SEL1L3: variants seen among roughly 807,000 people sequenced by gnomAD.
The protein encoded by SEL1L3 is protein sel-1 homolog 3.
A neutral mutation model predicts 142.8 loss-of-function variants in SEL1L3; 76 were observed. The ratio of observed to expected loss-of-function variants is 0.53; its 90% CI spans 0.44 to 0.64. SEL1L3 has a LOEUF of 0.64. Among genes scored for constraint, SEL1L3 ranks in the 30% least tolerant of loss-of-function variants. The pLI, the probability that SEL1L3 is intolerant of heterozygous loss-of-function variation, is 0.00. For synonymous variants in SEL1L3, 504 were observed against 519.6 expected (o/e 0.97, Z 0.41); for missense variants, 1,262 against 1,381.7 (o/e 0.91, Z 1.37).
At chr4:25,739,319 TG>T in the SEL1L3 span, among the ~76,000 whole-genome samples, 2 of 152,150 alleles carry the variant, frequency 1.3e-5, no homozygotes, top group Non-Finnish European at 2.9e-5. Context: ...GCCATAGAGA[TG>T]TTGCTAAACA....
intron 23 of SEL1L3, among the ~76,000 whole-genome samples, chr4:25,755,392 T>G (rs1043933961): frequency 7.2e-5 from 11 of 152,166 alleles, no homozygotes; most frequent in Non-Finnish European, 1.5e-4. Flanking sequence ...AGTAAGCCAC[T>G]GCGTCTGGTC....
chr4:25,783,225 A>G (rs550923772), intron 14 of SEL1L3, among the ~76,000 whole-genome samples: 14 of 152,272 alleles, frequency 9.2e-5, no homozygotes, highest in African/African-American at 3.4e-4. Context: ...TTACTTTTCT[A>G]CTTCTGCCCT....
At chr4:25,767,635 T>G (rs1560284571) in intron 18 of SEL1L3, 26 bp from the exon 19 acceptor site, 4 of 1,534,618 alleles carry the variant, frequency 2.6e-6, no homozygotes, top group African/African-American at 1.4e-5. Flanking sequence ...AAGAAAAAGT[T>G]AATTCATTAA....
the SEL1L3 span, among the ~76,000 whole-genome samples, chr4:25,726,482 T>C: frequency 6.7e-6 from 1 of 148,420 alleles, no homozygotes; most frequent in East Asian, 2.0e-4. Context: ...GAGCCGAGAT[T>C]GCGCCACTGC....
At chr4:25,715,969 G>T in the SEL1L3 span, among the ~76,000 whole-genome samples, 6 of 152,254 alleles carry the variant, frequency 3.9e-5, no homozygotes, top group Non-Finnish European at 7.4e-5. Flanking sequence ...ATGCTCTTTT[G>T]TACCTCTTGA....
rs145433219 is a variant in SEL1L3 at position 25,756,452 on chromosome 4, G to A, written c.3259+1082C>T. ...ATATAACAGCTAACGTTTAACTACA[G>A]CCGTCATTTTGGTAAGTATCTTACG... On this transcript the variant is annotated intron_variant, in intron 23 of 23. Transcript: ENST00000399878. 4.5e-4 allele frequency: 447 copies of A among 985,164 alleles called. 4 individuals are homozygous for A. In the African/African-American group the frequency reaches 6.9e-3, roughly 15 times the overall value. The allele number at this position is 985,164 out of a possible 1,614,324, so 61.0% of individuals were successfully genotyped here.
chr4:25,834,780 A>AG (rs765219500), intron 3 of SEL1L3, among the ~76,000 whole-genome samples: 12 of 152,344 alleles, frequency 7.9e-5, no homozygotes, highest in Non-Finnish European at 1.3e-4. Flanking sequence ...AGGAAAAAAA[A>AG]TACATATATC....
intron 20 of SEL1L3, among the ~76,000 whole-genome samples, chr4:25,761,675 A>G (rs1262446882): frequency 6.6e-6 from 1 of 152,266 alleles, no homozygotes; most frequent in African/African-American, 2.4e-5. Flanking sequence ...TTTACAAAAA[A>G]GAAAATGTAA....
chr4:25,852,458 A>T (rs1716969053), intron 1 of SEL1L3, among the ~76,000 whole-genome samples: 1 of 152,222 alleles, frequency 6.6e-6, no homozygotes, highest in African/African-American at 2.4e-5. Context: ...ATTCAGCCAG[A>T]TATGCCAAGA....
intron 9 of SEL1L3, among the ~76,000 whole-genome samples, chr4:25,809,894 A>G (rs1351875908): frequency 1.3e-5 from 2 of 152,180 alleles, no homozygotes; most frequent in Non-Finnish European, 2.9e-5. Context: ...TCTGCGTTTT[A>G]AGGTCTCCAA....
At chr4:25,795,891 C>T (rs781190840) in intron 11 of SEL1L3, among the ~76,000 whole-genome samples, 1 of 149,630 alleles carries the variant, frequency 6.7e-6, no homozygotes, top group Non-Finnish European at 1.5e-5. Flanking sequence ...GTTTTGTGGG[C>T]AGGAAAAGCC....
At chr4:25,739,444 C>A in the SEL1L3 span, among the ~76,000 whole-genome samples, 1 of 152,002 alleles carries the variant, frequency 6.6e-6, no homozygotes, top group Non-Finnish European at 1.5e-5. Flanking sequence ...TGGTGGCTCA[C>A]GCCTGTAATC....
chr4:25,796,094 C>T (rs1712722120), intron 11 of SEL1L3, among the ~76,000 whole-genome samples: 1 of 152,166 alleles, frequency 6.6e-6, no homozygotes, highest in Non-Finnish European at 1.5e-5. Context: ...GAATGAGCAG[C>T]TCAGAAGTTT....
At chr4:25,828,132 T>G (rs1715209054) in intron 6 of SEL1L3, among the ~76,000 whole-genome samples, 1 of 152,184 alleles carries the variant, frequency 6.6e-6, no homozygotes. Flanking sequence ...CCGCTATGTT[T>G]CAATGCAGCT....
At chr4:25,729,991 C>T in the SEL1L3 span, among the ~76,000 whole-genome samples, 1 of 151,864 alleles carries the variant, frequency 6.6e-6, no homozygotes, top group South Asian at 2.1e-4. Context: ...GTTTCTGTTG[C>T]CCAGGCTGGA....
downstream of SEL1L3, among the ~76,000 whole-genome samples, chr4:25,745,357 T>C (rs1210999825): frequency 1.3e-5 from 2 of 151,328 alleles, no homozygotes; most frequent in African/African-American, 2.4e-5. Context: ...ATCATGCCAC[T>C]GTCCTCCAGT....
chr4:25,849,323 C>T (rs1035374872), intron 1 of SEL1L3, among the ~76,000 whole-genome samples: 2 of 152,140 alleles, frequency 1.3e-5, no homozygotes, highest in Non-Finnish European at 2.9e-5. Context: ...GTGGTATATA[C>T]ATGGGATGGA....
At chr4:25,748,673 T>C (rs963000271) in intron 23 of SEL1L3, 109 bp from the exon 24 acceptor site, 42 of 1,158,602 alleles carry the variant, frequency 3.6e-5, no homozygotes, top group Non-Finnish European at 4.8e-5. Flanking sequence ...TCTAGTCTAA[T>C]GAACCTGACA....
At chr4:25,802,512 T>A (rs776625176) in intron 10 of SEL1L3, 50 bp from the exon 11 acceptor site, 4 of 1,490,156 alleles carry the variant, frequency 2.7e-6, no homozygotes, top group Non-Finnish European at 3.7e-6. Flanking sequence ...GATAGGGTCA[T>A]AAAATCCTAA....
Sources: allele counts gnomAD v4.1 joint callset (sites outside exome capture counted in the v4.1 genomes callset), GRCh38; gene constraint gnomAD v4.1.1; transcripts MANE v1.5; gene names NCBI Gene and HGNC (gene_info 2026-07-23, HGNC 2026-07-21).